Variants in GRIA4 observed in about 807,000 individuals in gnomAD.
GRIA4 encodes glutamate ionotropic receptor AMPA type subunit 4.
A neutral mutation model predicts 104.0 loss-of-function variants in GRIA4; 34 were observed. The observed-to-expected ratio is 0.33, with a 90% CI of 0.25 to 0.44. The LOEUF (loss-of-function observed/expected upper bound fraction) is 0.44, where lower values mean the gene tolerates loss of function less well. GRIA4 is among the 20% of genes least tolerant of loss of function. GRIA4 has a pLI of 1.00. For missense variants in GRIA4, 750 were observed against 1,096.5 expected, an observed-to-expected ratio of 0.68 and a Z score of 4.46; for synonymous variants, 386 against 381.9, an observed-to-expected ratio of 1.01 and a Z score of -0.13.
At chr11:105,688,193 T>TCTATCTATCTATCTAG (rs1442728976) in intron 3 of GRIA4, among the ~76,000 whole-genome samples, 1 of 151,810 alleles carries the variant, frequency 6.6e-6, no homozygotes, top group Non-Finnish European at 1.5e-5. Context: ...TATCTATTTA[T>TCTATCTATCTATCTAG]CTATATGCTA....
intron 4 of GRIA4, among the ~76,000 whole-genome samples, chr11:105,794,504 T>TATATATATATAC (rs1942389132): frequency 4.1e-5 from 5 of 122,228 alleles, no homozygotes; most frequent in African/African-American, 1.6e-4. Flanking sequence ...TATATATATA[T>TATATATATATAC]ATATATATAC....
At position 105,659,953 on chromosome 11, in the gene GRIA4, A is replaced by C. The variant is rs1247004873; in HGVS notation, c.247+47519A>C. On this transcript the variant is annotated intron_variant, in intron 3 of 16. Coordinates refer to ENST00000282499, the MANE Select transcript of GRIA4 (RefSeq NM_000829.4). ...ATGTGAATAATGTAAGATACTACTG[A>C]AATTAAAAACAATGGTAAAATTTTC... 2.0e-5 allele frequency among the ~76,000 whole-genome samples: 3 copies of C among 151,804 alleles called. No individual in the cohort carries two copies. The East Asian group carries it at 5.8e-4, about 29-fold the overall frequency.
At chr11:105,920,449 C>G (rs1947527947) in intron 11 of GRIA4, among the ~76,000 whole-genome samples, 1 of 152,090 alleles carries the variant, frequency 6.6e-6, no homozygotes, top group Non-Finnish European at 1.5e-5. Context: ...CTCAAAAAAT[C>G]ATACTTGGAT....
At chr11:105,632,241 T>G (rs1003401851) in intron 3 of GRIA4, among the ~76,000 whole-genome samples, 8 of 152,186 alleles carry the variant, frequency 5.3e-5, no homozygotes, top group Non-Finnish European at 1.0e-4. Flanking sequence ...CTCTCTCATC[T>G]CTTATAATTT....
chr11:105,892,321 T>C (rs1946485626), intron 6 of GRIA4, among the ~76,000 whole-genome samples: 1 of 152,130 alleles, frequency 6.6e-6, no homozygotes, highest in South Asian at 2.1e-4. Flanking sequence ...AGAATCTTGT[T>C]CTCCTTTAGA....
intron 12 of GRIA4, among the ~76,000 whole-genome samples, chr11:105,925,186 T>C (rs1011109081): frequency 1.3e-5 from 2 of 152,144 alleles, no homozygotes; most frequent in Non-Finnish European, 2.9e-5. Context: ...GACTTAATTC[T>C]TATCTCACAT....
chr11:105,826,435 C>T (rs1943773362), intron 4 of GRIA4, among the ~76,000 whole-genome samples: 1 of 152,032 alleles, frequency 6.6e-6, no homozygotes, highest in Non-Finnish European at 1.5e-5. Context: ...GTCTTAGGGA[C>T]ATCTATCCAA....
chr11:105,909,849 T>C (rs1417063478), intron 9 of GRIA4, among the ~76,000 whole-genome samples: 1 of 152,180 alleles, frequency 6.6e-6, no homozygotes, highest in Non-Finnish European at 1.5e-5. Flanking sequence ...AATTTAAATG[T>C]AATATTTGAA....
chr11:105,793,194 G>T (rs1390241348), intron 4 of GRIA4, among the ~76,000 whole-genome samples: 1 of 152,112 alleles, frequency 6.6e-6, no homozygotes, highest in Non-Finnish European at 1.5e-5. Flanking sequence ...ACCACTCTCT[G>T]GGGGCCCTAG....
At chr11:105,917,921 A>G (rs967011085) in intron 10 of GRIA4, among the ~76,000 whole-genome samples, 3 of 151,642 alleles carry the variant, frequency 2.0e-5, no homozygotes, top group African/African-American at 7.3e-5. Flanking sequence ...GATTTTCACC[A>G]TAATTATTCA....
intron 6 of GRIA4, among the ~76,000 whole-genome samples, chr11:105,891,282 A>C (rs1285682193): frequency 6.6e-6 from 1 of 152,136 alleles, no homozygotes; most frequent in Non-Finnish European, 1.5e-5. Context: ...CTTACTTGCT[A>C]ATACGTGTCT....
At chr11:105,755,445 A>G (rs890496314) in intron 4 of GRIA4, among the ~76,000 whole-genome samples, 6 of 152,176 alleles carry the variant, frequency 3.9e-5, no homozygotes, top group Non-Finnish European at 5.9e-5. Flanking sequence ...CATTGGAATA[A>G]GAAATATTCT....
At chr11:105,832,431 A>T (rs1249215583) in intron 4 of GRIA4, among the ~76,000 whole-genome samples, 5 of 151,610 alleles carry the variant, frequency 3.3e-5, no homozygotes, top group African/African-American at 4.8e-5. Flanking sequence ...TTAAATAATG[A>T]TAAGTTTGCC....
Position 105,805,035 on chromosome 11 carries a change from A to G in GRIA4, c.487+51815A>G, listed in dbSNP as rs149773314. ...CTAATCTCAGGGACTATGCCCTCTT[A>G]GACACATAATTTTATAATTTGAAAC... On this transcript the variant is annotated intron_variant, in intron 4 of 16. Transcript: ENST00000282499. Among the ~76,000 whole-genome samples the G allele has an allele frequency of 7.0e-3, 1,061 of 152,126 alleles. 23 individuals are homozygous for G. Among genetic ancestry groups the G allele is most frequent in the African/African-American group, 0.025 (1,022 of 41,556 alleles).
chr11:105,876,643 G>C (rs1239165335), intron 5 of GRIA4, among the ~76,000 whole-genome samples: 1 of 152,104 alleles, frequency 6.6e-6, no homozygotes, highest in Non-Finnish European at 1.5e-5. Flanking sequence ...TCTTCTTGTT[G>C]CATTGATCCC....
chr11:105,808,038 AATTT>A (rs1282253785), intron 4 of GRIA4, among the ~76,000 whole-genome samples: 17 of 152,036 alleles, frequency 1.1e-4, no homozygotes, highest in Admixed American at 2.6e-4. Flanking sequence ...CTATTTCTAA[AATTT>A]ATTTCTTTGT....
At chr11:105,781,041 A>G (rs1056869515) in intron 4 of GRIA4, among the ~76,000 whole-genome samples, 2 of 152,310 alleles carry the variant, frequency 1.3e-5, no homozygotes. Context: ...AAGTTCGCAC[A>G]GTGAAGGACA....
chr11:105,884,629 T>A (rs1946186871), intron 5 of GRIA4, among the ~76,000 whole-genome samples: 1 of 152,200 alleles, frequency 6.6e-6, no homozygotes, highest in Non-Finnish European at 1.5e-5. Context: ...TCCAGATCCC[T>A]GCTCCCCAAG....
chr11:105,668,928 T>C (rs1952270053), intron 3 of GRIA4, among the ~76,000 whole-genome samples: 1 of 152,016 alleles, frequency 6.6e-6, no homozygotes, highest in Non-Finnish European at 1.5e-5. Flanking sequence ...CTGAGCTCCA[T>C]GTATCTGTCT....
Sources: allele counts gnomAD v4.1 joint callset (sites outside exome capture counted in the v4.1 genomes callset), GRCh38; gene constraint gnomAD v4.1.1; transcripts MANE v1.5; gene names NCBI Gene and HGNC (gene_info 2026-07-23, HGNC 2026-07-21).